Variants in SIRT1 observed in about 807,000 individuals in gnomAD.
The protein encoded by SIRT1 is sirtuin 1.
In SIRT1, 24 loss-of-function variants were observed where a neutral mutation model predicts 67.9. The ratio of observed to expected loss-of-function variants is 0.35; its 90% CI spans 0.26 to 0.50. The LOEUF is 0.50. SIRT1 is among the 20% of genes least tolerant of loss of function. The pLI is 0.98. For synonymous variants in SIRT1, 378 were observed against 350.7 expected (o/e 1.08, Z -0.87); for missense variants, 873 against 937.2 (o/e 0.93, Z 0.89).
At chr10:67,907,956 T>G in intron 5 of SIRT1, 90 bp from the exon 6 acceptor site, 1 of 1,084,790 alleles carries the variant, frequency 9.2e-7, no homozygotes, top group Non-Finnish European at 1.4e-6. Flanking sequence ...CCTCTTAACA[T>G]TTGTGATGTT....
chr10:67,884,968 G>T lies in SIRT1; in HGVS notation c.247G>T (p.Ala83Ser). Residue 83 changes from alanine (A) to serine (S), a missense_variant, in exon 1 of 9, where the codon GCG becomes TCG. This residue lies in a region of SIRT1 where 327 missense variants were observed against 283.9 expected (regional missense o/e 1.15). Transcript: ENST00000212015. Reference sequence around the variant, plus strand: ...GCTGTGGCGGGAGGCGGAGGCAGAGGCGGCGGCGGCAGGCGGGGAGCAAGA... The same window carrying T: ...GCTGTGGCGGGAGGCGGAGGCAGAGTCGGCGGCGGCAGGCGGGGAGCAAGA... Reference protein sequence around the residue: ...AALWREAEAEAAAAGGEQEAQ... With the variant: ...AALWREAEAESAAAGGEQEAQ... The T allele has an allele frequency of 7.9e-7, 1 of 1,264,970 alleles. No individual in the cohort carries two copies. The highest frequency in any genetic ancestry group is 3.1e-5 in the East Asian group (1 of 32,180). The allele number at this position is 1,264,970 out of a possible 1,614,324, so 78.4% of individuals were successfully genotyped here. A position where few individuals can be genotyped will look rare whatever the true frequency, so the allele number is the denominator to read the frequency against.
At chr10:67,901,700 A>G (rs1410216172) in intron 4 of SIRT1, among the ~76,000 whole-genome samples, 2 of 152,240 alleles carry the variant, frequency 1.3e-5, no homozygotes, top group Non-Finnish European at 1.5e-5. Flanking sequence ...AGTTTAACTA[A>G]TTGACATTCT....
chr10:67,914,590 A>G lies in SIRT1; in HGVS notation c.1915+1559A>G, dbSNP rs16924945. Among the ~76,000 whole-genome samples, 4,647 of 152,282 alleles carry G rather than the reference A, an allele frequency of 0.031. 532 individuals are homozygous for G. The East Asian group carries it at 0.41, about 14-fold the overall frequency. ...GTTGTCTCTAGCGTATACAAAGTCT[A>G]CCTATGCACTAAGACTTGCACTGGG... On this transcript the variant is annotated intron_variant, in intron 8 of 8. Transcript: ENST00000212015.
chr10:67,900,174 C>T (rs772842821), intron 4 of SIRT1, among the ~76,000 whole-genome samples: 11 of 152,160 alleles, frequency 7.2e-5, no homozygotes, highest in East Asian at 1.9e-4. Flanking sequence ...GAGACAGAGT[C>T]GCATTCTGTC....
At chr10:67,890,425 C>T (rs182611170) in intron 3 of SIRT1, among the ~76,000 whole-genome samples, 2 of 152,134 alleles carry the variant, frequency 1.3e-5, no homozygotes, top group East Asian at 1.9e-4. Context: ...ACTAAAGGAG[C>T]AATTTCTTTG....
At chr10:67,895,798 G>A (rs979452293) in intron 4 of SIRT1, among the ~76,000 whole-genome samples, 2 of 127,454 alleles carry the variant, frequency 1.6e-5, no homozygotes, top group African/African-American at 2.9e-5. Context: ...CTGGAGTGCC[G>A]TGGTGAGATC....
In SIRT1 at chr10:67,884,766, C is replaced by T. The variant is rs954607260; in HGVS notation, c.45C>T (p.Pro15=). ...AALALQPGGS[P]SAAGADREAA... ...TCGCCCTTCAGCCCGGCGGCTCCCC[C>T]TCGGCGGCGGGGGCCGACAGGGAGG... The change falls in exon 1 of 9, where the codon CCC becomes CCT. Residue 15 remains proline (P), a synonymous_variant. Coordinates refer to ENST00000212015, the MANE Select transcript of SIRT1 (RefSeq NM_012238.5). 3 of 1,228,320 alleles carry T rather than the reference C, an allele frequency of 2.4e-6. No individual in the cohort carries two copies. The highest frequency in any genetic ancestry group is 3.0e-6 in the Non-Finnish European group (3 of 985,684). 76.1% of individuals were successfully genotyped at this position (1,228,320 alleles called of 1,614,324 possible).
At position 67,889,070 on chromosome 10, in the gene SIRT1, G is replaced by A; in HGVS notation, c.736G>A (p.Ala246Thr). Residue 246 changes from alanine (A) to threonine (T), a missense_variant, in exon 3 of 9, where the codon GCT (alanine) becomes ACT (threonine). Physicochemically the swap from Ala to Thr is moderately conservative, Grantham distance 58. Around this residue, in one of 3 missense-constraint regions of SIRT1, gnomAD observed 251 missense variants for 358.8 expected, o/e 0.70. Transcript: ENST00000212015. ...AAAAGATATTAATACAATTGAAGAT[G>A]CTGTGAAATTACTGCAAGAGTGCAA... ...KRKDINTIED[A>T]VKLLQECKKI... The A allele has an allele frequency of 6.2e-7, 1 of 1,609,344 alleles. No individual in the cohort carries two copies. Among genetic ancestry groups the A allele is most frequent in the Non-Finnish European group, 8.5e-7 (1 of 1,179,700 alleles).
At chr10:67,908,296 T>C (rs573030428) in intron 6 of SIRT1, among the ~76,000 whole-genome samples, 171 bp downstream of exon 6, 1 of 152,216 alleles carries the variant, frequency 6.6e-6, no homozygotes, top group African/African-American at 2.4e-5. Context: ...TTCAATACCT[T>C]ATATAGAAAA....
Position 67,884,662 on chromosome 10 carries a change from G to C in SIRT1, c.-60G>C. The C allele has an allele frequency of 8.2e-7, 1 of 1,224,066 alleles. No individual in the cohort carries two copies. The highest frequency in any genetic ancestry group is 1.0e-6 in the Non-Finnish European group (1 of 983,180). The allele number at this position is 1,224,066 out of a possible 1,614,324, so 75.8% of individuals were successfully genotyped here. ...CAGCCGGAGCCGCGGGGGCGCCAGT[G>C]CCGCGCGTCGAGCGGGAGCAGAGGA... On this transcript the variant is annotated 5_prime_UTR_variant, in exon 1 of 9. Transcript: ENST00000212015.
intron 4 of SIRT1, among the ~76,000 whole-genome samples, chr10:67,892,341 T>G (rs965134511): frequency 2.0e-5 from 3 of 152,086 alleles, no homozygotes; most frequent in African/African-American, 2.4e-5. Flanking sequence ...GAGGCCAAGG[T>G]GGGAGGATCA....
chr10:67,916,670 T>G lies in SIRT1; in HGVS notation c.*77T>G. 1 of 1,229,874 alleles carries G rather than the reference T, an allele frequency of 8.1e-7. No homozygotes were observed. Among genetic ancestry groups the G allele is most frequent in the South Asian group, 1.5e-5 (1 of 64,610 alleles). The allele number at this position is 1,229,874 out of a possible 1,614,324, so 76.2% of individuals were successfully genotyped here. A position where few individuals can be genotyped will look rare whatever the true frequency, so the allele number is the denominator to read the frequency against. On this transcript the variant is annotated 3_prime_UTR_variant, in exon 9 of 9. Coordinates refer to ENST00000212015, the MANE Select transcript of SIRT1 (RefSeq NM_012238.5). ...GCATGTCAAAATGAATGTTTACTTG[T>G]GAACTCGATAGAGCAAGGAAACCAG...
chr10:67,903,145 A>C (rs1001414307), intron 4 of SIRT1, among the ~76,000 whole-genome samples: 1 of 151,956 alleles, frequency 6.6e-6, no homozygotes. Context: ...TGTAGTGCCC[A>C]TCCATTGGCA....
chr10:67,913,375 T>C (rs1017464652), intron 8 of SIRT1, among the ~76,000 whole-genome samples: 3 of 152,208 alleles, frequency 2.0e-5, no homozygotes, highest in African/African-American at 7.2e-5. Flanking sequence ...CTATTACTCT[T>C]CTTCAGGTGG....
chr10:67,893,986 A>G (rs1038128229), intron 4 of SIRT1, among the ~76,000 whole-genome samples: 6 of 152,178 alleles, frequency 3.9e-5, no homozygotes, highest in African/African-American at 1.2e-4. Flanking sequence ...TTAAAAAAAA[A>G]GTGATTTTTT....
At chr10:67,905,249 G>C (rs550019649) in intron 4 of SIRT1, among the ~76,000 whole-genome samples, 14 of 152,294 alleles carry the variant, frequency 9.2e-5, no homozygotes, top group African/African-American at 3.4e-4. Flanking sequence ...AAATGTACTA[G>C]AACAAAGCAT....
At chr10:67,901,816 ATTAC>A (rs1167618341) in intron 4 of SIRT1, among the ~76,000 whole-genome samples, 2 of 152,204 alleles carry the variant, frequency 1.3e-5, no homozygotes, top group African/African-American at 2.4e-5. Context: ...GCATTAATTT[ATTAC>A]TTAAATCAAC....
At chr10:67,910,675 G>C (rs544413165) in intron 7 of SIRT1, among the ~76,000 whole-genome samples, 2 of 152,268 alleles carry the variant, frequency 1.3e-5, no homozygotes, top group Admixed American at 1.3e-4. Flanking sequence ...CATTCTTGTA[G>C]TAACAGCCAT....
intron 6 of SIRT1, 33 bp downstream of exon 6, chr10:67,908,158 A>AT: frequency 6.4e-7 from 1 of 1,561,448 alleles, no homozygotes. Flanking sequence ...GGAATTGTTC[A>AT]TGTCTCTGAA....
Sources: gnomAD v4.1 joint callset for allele counts (sites outside exome capture counted in the v4.1 genomes callset) on GRCh38, gnomAD v4.1.1 for gene constraint, gnomAD v4.1.1 regional missense constraint, MANE v1.5 for transcripts, NCBI Gene and HGNC (gene_info 2026-07-23, HGNC 2026-07-21) for gene names.